CUX2: variants seen among roughly 807,000 people sequenced by gnomAD.
The protein encoded by CUX2 is cut like homeobox 2.
A neutral mutation model predicts 144.8 loss-of-function variants in CUX2; 40 were observed. That is an observed-to-expected ratio of 0.28 (90% CI 0.21 to 0.36). CUX2 has a LOEUF of 0.36. CUX2 is among the 10% of genes least tolerant of loss of function. The pLI is 1.00. For synonymous variants in CUX2, 827 were observed against 875.6 expected, an observed-to-expected ratio of 0.94 and a Z score of 0.98; for missense variants, 1,615 against 1,994.0, an observed-to-expected ratio of 0.81 and a Z score of 3.62.
intron 1 of CUX2, among the ~76,000 whole-genome samples, chr12:111,172,347 C>T (rs1427463425): frequency 6.6e-6 from 1 of 152,230 alleles, no homozygotes. Context: ...GAACCAGCCA[C>T]CCATTAGCGA....
At chr12:111,060,511 A>T (rs925989129) in intron 1 of CUX2, among the ~76,000 whole-genome samples, 1 of 152,242 alleles carries the variant, frequency 6.6e-6, no homozygotes, top group African/African-American at 2.4e-5. Context: ...TTTAAGACCC[A>T]TGAGGGCAGC....
chr12:111,168,568 G>A (rs1288142724), intron 1 of CUX2, among the ~76,000 whole-genome samples: 1 of 152,170 alleles, frequency 6.6e-6, no homozygotes, highest in African/African-American at 2.4e-5. Context: ...TTGTTTCCAC[G>A]TTCCCTAGCT....
At chr12:111,273,211 G>A (rs554644782) in intron 4 of CUX2, among the ~76,000 whole-genome samples, 19 of 152,314 alleles carry the variant, frequency 1.2e-4, no homozygotes, top group African/African-American at 4.3e-4. Flanking sequence ...TGGTTTTAAA[G>A]GTTGAAGTGC....
intron 1 of CUX2, among the ~76,000 whole-genome samples, chr12:111,040,439 C>A (rs1173800150): frequency 2.0e-5 from 3 of 152,082 alleles, no homozygotes; most frequent in Non-Finnish European, 4.4e-5. Context: ...CTCTTTGTCC[C>A]ACAAACACAT....
At chr12:111,210,637 A>C (rs1032020124) in intron 1 of CUX2, among the ~76,000 whole-genome samples, 3 of 152,098 alleles carry the variant, frequency 2.0e-5, no homozygotes, top group African/African-American at 4.8e-5. Flanking sequence ...TACCCCAAAA[A>C]AATGCAAAAA....
At chr12:111,228,477 G>A (rs1020929401) in intron 3 of CUX2, among the ~76,000 whole-genome samples, 6 of 152,128 alleles carry the variant, frequency 3.9e-5, no homozygotes, top group African/African-American at 1.4e-4. Flanking sequence ...AGGTTGGAGT[G>A]CATTGTTGCA....
intron 3 of CUX2, among the ~76,000 whole-genome samples, chr12:111,242,940 G>A (rs1883101728): frequency 6.6e-6 from 1 of 152,162 alleles, no homozygotes; most frequent in Non-Finnish European, 1.5e-5. Flanking sequence ...ACTTACGAGT[G>A]TGAACATGAG....
intron 1 of CUX2, among the ~76,000 whole-genome samples, chr12:111,069,536 G>A (rs111529343): frequency 0.028 from 3,819 of 136,608 alleles, 163 homozygotes; most frequent in African/African-American, 0.13. Context: ...GTGTGTGTGT[G>A]TGTGTGTGTG....
chr12:111,330,031 C>A (rs1888019176), intron 18 of CUX2, among the ~76,000 whole-genome samples: 1 of 152,152 alleles, frequency 6.6e-6, no homozygotes, highest in African/African-American at 2.4e-5. Flanking sequence ...CCAGACTGGC[C>A]CTCCCACACC....
At chr12:111,085,833 G>A (rs117321076) in intron 1 of CUX2, among the ~76,000 whole-genome samples, 121 of 152,304 alleles carry the variant, frequency 7.9e-4, no homozygotes, top group Non-Finnish European at 1.3e-3. Flanking sequence ...GAAAGATCTC[G>A]TCCCCTGCCA....
intron 21 of CUX2, 118 bp from the exon 22 acceptor site, chr12:111,347,406 C>A: frequency 1.1e-6 from 1 of 880,026 alleles, no homozygotes; most frequent in Non-Finnish European, 1.8e-6. Flanking sequence ...AGTATGGAGG[C>A]TTAGTGCCTA....
At chr12:111,204,568 G>C (rs543316550) in intron 1 of CUX2, among the ~76,000 whole-genome samples, 1 of 152,342 alleles carries the variant, frequency 6.6e-6, no homozygotes, top group African/African-American at 2.4e-5. Flanking sequence ...AGGAAAATCA[G>C]AAAGTTATAG....
intron 1 of CUX2, among the ~76,000 whole-genome samples, chr12:111,139,254 C>G (rs1415045112): frequency 2.6e-5 from 4 of 152,064 alleles, no homozygotes; most frequent in Admixed American, 6.6e-5. Context: ...ACTGGAGGCT[C>G]TCTTTGGAGA....
intron 1 of CUX2, among the ~76,000 whole-genome samples, chr12:111,082,485 T>G (rs1871951027): frequency 6.6e-6 from 1 of 152,134 alleles, no homozygotes; most frequent in South Asian, 2.1e-4. Context: ...GCTGGGCAAG[T>G]GTCCGAAAAT....
intron 4 of CUX2, among the ~76,000 whole-genome samples, chr12:111,274,032 G>A (rs760884329): frequency 3.9e-5 from 6 of 152,204 alleles, no homozygotes; most frequent in Admixed American, 1.3e-4. Flanking sequence ...TTTCTGTACA[G>A]CTCAGTATAT....
chr12:111,144,878 C>T (rs1377582973), intron 1 of CUX2, among the ~76,000 whole-genome samples: 1 of 152,148 alleles, frequency 6.6e-6, no homozygotes, highest in African/African-American at 2.4e-5. Flanking sequence ...TTTCTCTTGT[C>T]ACTGGGTCAG....
In CUX2 at chr12:111,293,655, T is replaced by G. The variant is rs778772983; in HGVS notation, c.560+86T>G. 4.2e-5 allele frequency: 63 copies of G among 1,484,912 alleles called. No homozygotes were observed. The highest frequency in any genetic ancestry group is 5.4e-5 in the Non-Finnish European group (60 of 1,110,600). The allele number at this position is 1,484,912 out of a possible 1,614,324, so 92.0% of individuals were successfully genotyped here. A position where few individuals can be genotyped will look rare whatever the true frequency, so the allele number is the denominator to read the frequency against. ...CTGGCTGGGTCGTGGACGGGGAAAG[T>G]CTCCTACCAGAATCCAGATGCAGGC... On this transcript the variant is annotated intron_variant, in intron 6 of 21. Transcript: ENST00000261726. The surrounding 1 kb of genome is among the most constrained non-coding windows in gnomAD (Gnocchi z 4.5).
At chr12:111,146,133 ACACGCC>A (rs1280771963) in intron 1 of CUX2, among the ~76,000 whole-genome samples, 1 of 152,300 alleles carries the variant, frequency 6.6e-6, no homozygotes, top group African/African-American at 2.4e-5. Context: ...ACCACCAGCA[ACACGCC>A]CACCCAAGTG....
chr12:111,101,179 C>T (rs1301939857), intron 1 of CUX2, among the ~76,000 whole-genome samples: 1 of 152,192 alleles, frequency 6.6e-6, no homozygotes, highest in Admixed American at 6.5e-5. Context: ...ATGAGGACCC[C>T]TGGGTGACAA....
Sources: gnomAD v4.1 joint callset for allele counts (sites outside exome capture counted in the v4.1 genomes callset) on GRCh38, gnomAD v4.1.1 for gene constraint, Gnocchi (gnomAD v3.1) non-coding constraint, MANE v1.5 for transcripts, NCBI Gene and HGNC (gene_info 2026-07-23, HGNC 2026-07-21) for gene names.